UBE2E1: variants seen among roughly 807,000 people sequenced by gnomAD.
UBE2E1 encodes ubiquitin conjugating enzyme E2 E1.
A neutral mutation model predicts 21.4 loss-of-function variants in UBE2E1; 6 were observed. That is an observed-to-expected ratio of 0.28 (90% confidence interval 0.15 to 0.55). The LOEUF is 0.55. UBE2E1 is among the 20% of genes least tolerant of loss of function. UBE2E1 has a pLI of 0.93. For missense variants in UBE2E1, 142 were observed against 236.5 expected (o/e 0.60, Z 2.62); for synonymous variants, 87 against 82.7 (o/e 1.05, Z -0.28).
chr3:23,880,454 C>T (rs1402463929), intron 3 of UBE2E1, among the ~76,000 whole-genome samples: 1 of 152,088 alleles, frequency 6.6e-6, no homozygotes, highest in African/African-American at 2.4e-5. Context: ...TTAGTCCCAG[C>T]TACTAGGGAG....
At chr3:23,811,425 T>G (rs764522227) in intron 2 of UBE2E1, 35 bp from the exon 3 acceptor site, 30 of 1,613,164 alleles carry the variant, frequency 1.9e-5, no homozygotes, top group Middle Eastern at 1.7e-4. Context: ...CCTTAATGCT[T>G]CTTGTGTTTG....
chr3:23,831,231 C>T (rs569484648), intron 3 of UBE2E1, among the ~76,000 whole-genome samples: 82 of 152,190 alleles, frequency 5.4e-4, no homozygotes, highest in African/African-American at 9.2e-4. Flanking sequence ...ACAACAGAAA[C>T]CAGGAATTCT....
At chr3:23,879,482 G>C (rs1339545164) in intron 3 of UBE2E1, 1 of 336,446 alleles carries the variant, frequency 3.0e-6, no homozygotes, top group Non-Finnish European at 6.2e-6. Context: ...AGTGTGGTCT[G>C]ATAGTCCATT....
rs776406368 is a variant in UBE2E1, at chr3:23,870,021, A to G, written c.204-17546A>G. Among the ~76,000 whole-genome samples the G allele has an allele frequency of 2.0e-5, 3 of 152,186 alleles. No homozygotes were observed. Among genetic ancestry groups the G allele is most frequent in the African/African-American group, 4.8e-5 (2 of 41,444 alleles). On this transcript the variant is annotated intron_variant, in intron 3 of 5. Coordinates refer to ENST00000306627, the MANE Select transcript of UBE2E1 (RefSeq NM_003341.5). This position sits in a 1 kb window ranked among gnomAD's most constrained non-coding sequence, Gnocchi z 4.2. ...GGTTCCTACTGAAGCTTTCTAATGCAGTTACAGGGGCTAGGACTGGAGTCA... is the reference window on the plus strand; with the variant it reads ...GGTTCCTACTGAAGCTTTCTAATGCGGTTACAGGGGCTAGGACTGGAGTCA...
intron 3 of UBE2E1, among the ~76,000 whole-genome samples, chr3:23,882,858 C>G (rs138919245): frequency 1.3e-5 from 2 of 152,214 alleles, no homozygotes; most frequent in African/African-American, 4.8e-5. Flanking sequence ...CACGCCCACC[C>G]GGAACTCTCG....
At position 23,887,910 on chromosome 3, in the gene UBE2E1, GTGCT is replaced by G; in HGVS notation, c.336+213_336+216del. The stretch of plus-strand genomic sequence containing the variant: ...TAGGATTAAGTGCTTTGTTTTGATG[GTGCT>G]TAAAATTGTGCTATTTATAGTAATA... On this transcript the variant is annotated intron_variant, in intron 4 of 5. Coordinates refer to ENST00000306627, the MANE Select transcript of UBE2E1 (RefSeq NM_003341.5). This position sits in a 1 kb window ranked among gnomAD's most constrained non-coding sequence, Gnocchi z 4.4. 1 of 606,396 alleles carries G rather than the reference GTGCT, an allele frequency of 1.6e-6. No individual in the cohort carries two copies. Among genetic ancestry groups the G allele is most frequent in the Non-Finnish European group, 2.7e-6 (1 of 363,762 alleles). 37.6% of individuals were successfully genotyped at this position (606,396 alleles called of 1,614,324 possible).
At chr3:23,889,887 CCT>C (rs66579106) in intron 5 of UBE2E1, 45,299 of 258,342 alleles carry the variant, frequency 0.18, 4,272 homozygotes, top group Admixed American at 0.2. Flanking sequence ...AAAGCGAGAC[CCT>C]GTCTCAAAAA....
intron 3 of UBE2E1, among the ~76,000 whole-genome samples, chr3:23,862,588 A>T (rs1700579708): frequency 6.6e-6 from 1 of 152,174 alleles, no homozygotes. Flanking sequence ...GTTATGCTTG[A>T]TTTCTGGGGA....
intron 3 of UBE2E1, among the ~76,000 whole-genome samples, chr3:23,818,895 A>G (rs1479583253): frequency 2.0e-5 from 3 of 152,206 alleles, no homozygotes; most frequent in Non-Finnish European, 4.4e-5. Context: ...GAGGGAGATC[A>G]AGGAAATTTT....
intron 5 of UBE2E1, among the ~76,000 whole-genome samples, chr3:23,890,216 C>T (rs188042824): frequency 1.3e-5 from 2 of 152,002 alleles, no homozygotes; most frequent in African/African-American, 4.8e-5. Flanking sequence ...TGAACTCAGC[C>T]TAACACATAA....
At chr3:23,869,328 C>T (rs753588267) in intron 3 of UBE2E1, among the ~76,000 whole-genome samples, 20 of 135,598 alleles carry the variant, frequency 1.5e-4, no homozygotes, top group Non-Finnish European at 2.3e-4. Flanking sequence ...CCCCTCCAAC[C>T]TTTTTATAAA....
chr3:23,814,996 C>G (rs908414809), intron 3 of UBE2E1, among the ~76,000 whole-genome samples: 2 of 152,104 alleles, frequency 1.3e-5, no homozygotes, highest in Non-Finnish European at 2.9e-5. Context: ...CTTTCTTTCT[C>G]ACTTTTTTTT....
At chr3:23,873,422 T>TGGAGGTTGAGGTTGAAGC (rs1700845603) in intron 3 of UBE2E1, among the ~76,000 whole-genome samples, 1 of 141,744 alleles carries the variant, frequency 7.1e-6, no homozygotes, top group African/African-American at 2.7e-5. Context: ...AGGGTGCAGG[T>TGGAGGTTGAGGTTGAAGC]GGAGGTTGAG....
chr3:23,838,370 C>G (rs557712607), intron 3 of UBE2E1, among the ~76,000 whole-genome samples: 3 of 151,996 alleles, frequency 2.0e-5, no homozygotes, highest in African/African-American at 4.8e-5. Context: ...CCTGGACTAG[C>G]GGTTTCTTTT....
intron 3 of UBE2E1, among the ~76,000 whole-genome samples, chr3:23,874,156 C>G (rs570671249): frequency 6.6e-6 from 1 of 152,174 alleles, no homozygotes; most frequent in East Asian, 1.9e-4. Flanking sequence ...TAATGGGAGA[C>G]CTTTAGCTAA....
intron 3 of UBE2E1, among the ~76,000 whole-genome samples, chr3:23,861,638 G>A (rs372195544): frequency 2.8e-4 from 43 of 152,206 alleles, no homozygotes; most frequent in African/African-American, 1.0e-3. Flanking sequence ...GAAACACATT[G>A]GCGAAGGAAT....
At chr3:23,841,568 C>G (rs1203928608) in intron 3 of UBE2E1, among the ~76,000 whole-genome samples, 1 of 152,180 alleles carries the variant, frequency 6.6e-6, no homozygotes, top group Non-Finnish European at 1.5e-5. Context: ...TCCATGAATT[C>G]TGTTGGATTT....
At chr3:23,888,217 G>A (rs955826627) in intron 4 of UBE2E1, 5 of 456,886 alleles carry the variant, frequency 1.1e-5, no homozygotes, top group African/African-American at 1.0e-4. Flanking sequence ...TCATGTTTTG[G>A]TCTTGTTCCT....
rs555367141 is a variant in UBE2E1 at position 23,816,690 on chromosome 3, A to G, written c.203+5180A>G. 5.9e-5 allele frequency among the ~76,000 whole-genome samples: 9 copies of G among 152,198 alleles called. No homozygotes were observed. The highest frequency in any genetic ancestry group is 1.7e-4 in the African/African-American group (7 of 41,516). Reference sequence around the variant, plus strand: ...CCACTGCACTCCAGCCTGGGCAACAAAGCGAGGCTCCATCTCAAAAAAAAA... The same window carrying G: ...CCACTGCACTCCAGCCTGGGCAACAGAGCGAGGCTCCATCTCAAAAAAAAA... On this transcript the variant is annotated intron_variant, in intron 3 of 5. Transcript: ENST00000306627. The surrounding 1 kb of genome is among the most constrained non-coding windows in gnomAD (Gnocchi z 4.8).
Sources: allele counts gnomAD v4.1 joint callset (sites outside exome capture counted in the v4.1 genomes callset), GRCh38; gene constraint gnomAD v4.1.1; non-coding constraint Gnocchi (gnomAD v3.1); transcripts MANE v1.5; gene names NCBI Gene and HGNC (gene_info 2026-07-23, HGNC 2026-07-21).